BAD: variants seen among roughly 807,000 people sequenced by gnomAD.
BAD encodes bcl2-associated agonist of cell death.
Under a neutral mutation model 17.8 loss-of-function variants are expected in BAD, and 18 were observed. That is an observed-to-expected ratio of 1.01 (90% CI 0.70 to 1.50). The LOEUF is 1.50. BAD is among the 40% of genes most tolerant of loss of function. BAD has a pLI of 0.00. For synonymous variants in BAD, 112 were observed against 91.5 expected (o/e 1.22, Z -1.28); for missense variants, 294 against 239.3 (o/e 1.23, Z -1.51).
intron 2 of BAD, 97 bp from the exon 3 acceptor site, chr11:64,271,900 T>C (rs2032656888): frequency 9.6e-7 from 1 of 1,040,594 alleles, no homozygotes; most frequent in African/African-American, 1.7e-5. Context: ...GCAGGCCCAC[T>C]CGTGGGTCTT....
At position 64,269,928 on chromosome 11, in the gene BAD, C is replaced by T. The variant is rs1157033672; in HGVS notation, c.*281G>A. ...CCGGTGACGCAACGGTTAAACCTGG[C>T]TCGCGACTTAGCGCAGGCGCCTGGG... On this transcript the variant is annotated 3_prime_UTR_variant, in exon 4 of 4. Coordinates refer to ENST00000309032, the MANE Select transcript of BAD (RefSeq NM_032989.3). 1 of 710,624 alleles carries T rather than the reference C, an allele frequency of 1.4e-6. No homozygotes were observed. Among genetic ancestry groups the T allele is most frequent in the East Asian group, 2.7e-5 (1 of 37,400 alleles). 44.0% of individuals were successfully genotyped at this position (710,624 alleles called of 1,614,324 possible). A position where few individuals can be genotyped will look rare whatever the true frequency, so the allele number is the denominator to read the frequency against.
intron 2 of BAD, among the ~76,000 whole-genome samples, chr11:64,281,380 T>C (rs2033459882): frequency 6.6e-6 from 1 of 152,220 alleles, no homozygotes; most frequent in South Asian, 2.1e-4. Context: ...AATCCAGGGA[T>C]CAGCTACTTC....
chr11:64,270,553 G>C (rs942102886), intron 3 of BAD: 1 of 725,418 alleles, frequency 1.4e-6, no homozygotes. Context: ...CTCCGTGCCG[G>C]AGACGGGAAG....
At chr11:64,280,625 A>G (rs952898975) in intron 2 of BAD, among the ~76,000 whole-genome samples, 3 of 150,612 alleles carry the variant, frequency 2.0e-5, no homozygotes, top group African/African-American at 7.3e-5. Context: ...TGCTGGGATT[A>G]CAGGCGTGAG....
intron 2 of BAD, among the ~76,000 whole-genome samples, chr11:64,276,574 G>A (rs2033081960): frequency 6.6e-6 from 1 of 152,190 alleles, no homozygotes. Context: ...CAATCCAAGT[G>A]CCTCGGCCCC....
Position 64,271,401 on chromosome 11 carries a change from A to G in BAD, c.378+212T>C, listed in dbSNP as rs113934972. 5.6e-5 allele frequency among the ~76,000 whole-genome samples: 8 copies of G among 141,726 alleles called. 1 individual carries two copies. Among genetic ancestry groups the G allele is most frequent in the African/African-American group, 2.0e-4 (8 of 40,356 alleles). The allele number at this position is 141,726 out of a possible 152,430, so 93.0% of individuals were successfully genotyped here. On this transcript the variant is annotated intron_variant, in intron 3 of 3. Coordinates refer to ENST00000309032, the MANE Select transcript of BAD (RefSeq NM_032989.3). Reference sequence around the variant, plus strand: ...GTGACTCACACACACACACACACACACACACCAGGCGGGGGAAGAGCTGGG... The same window carrying G: ...GTGACTCACACACACACACACACACGCACACCAGGCGGGGGAAGAGCTGGG...
chr11:64,273,618 C>T (rs1464173490), intron 2 of BAD, among the ~76,000 whole-genome samples: 3 of 152,000 alleles, frequency 2.0e-5, no homozygotes, highest in Admixed American at 6.6e-5. Flanking sequence ...CAGTGGCTCA[C>T]GCCTGTAATC....
chr11:64,281,711 T>G (rs1183840714), intron 2 of BAD, among the ~76,000 whole-genome samples: 2 of 152,188 alleles, frequency 1.3e-5, no homozygotes, highest in African/African-American at 4.8e-5. Context: ...CCCGCCCCTG[T>G]GACTCCGGAT....
chr11:64,282,996 G>C (rs964011909), intron 2 of BAD, among the ~76,000 whole-genome samples: 7 of 152,026 alleles, frequency 4.6e-5, no homozygotes, highest in African/African-American at 1.7e-4. Context: ...CCGGGCTGCA[G>C]TGAGCTGAGA....
At chr11:64,281,893 G>A (rs955734620) in intron 2 of BAD, among the ~76,000 whole-genome samples, 2 of 152,150 alleles carry the variant, frequency 1.3e-5, no homozygotes, top group Non-Finnish European at 2.9e-5. Flanking sequence ...GCTAATTTTT[G>A]TATTTTTGGT....
intron 2 of BAD, among the ~76,000 whole-genome samples, chr11:64,279,618 T>G (rs1428265411): frequency 1.3e-5 from 2 of 151,194 alleles, no homozygotes; most frequent in Admixed American, 6.6e-5. Flanking sequence ...ACACAAAAAT[T>G]AGCTGGGCAT....
At position 64,271,679 on chromosome 11, in the gene BAD, G is replaced by C. The variant is rs781162957; in HGVS notation, c.312C>G (p.Leu104=). 6.7e-7 allele frequency: 1 copy of C among 1,489,656 alleles called. No homozygotes were observed. Among genetic ancestry groups the C allele is most frequent in the East Asian group, 2.7e-5 (1 of 36,854 alleles). The allele number at this position is 1,489,656 out of a possible 1,614,324, so 92.3% of individuals were successfully genotyped here. The part of the protein sequence containing the change: ...RGRSRSAPPN[L]WAAQRYGREL... ...CGCGGCCATAGCGCTGTGCTGCCCA[G>C]AGGTTGGGGGGCGCCGAGCGCGAGC... The change falls in exon 3 of 4, where the codon CTC becomes CTG. Residue 104 remains leucine, a synonymous_variant. Transcript: ENST00000309032.
chr11:64,276,245 T>C (rs893215701), intron 2 of BAD: 1 of 151,982 alleles, frequency 6.6e-6, no homozygotes, highest in Non-Finnish European at 1.5e-5. Flanking sequence ...AATTGAATTA[T>C]ATATATGTAA....
At chr11:64,272,371 C>T (rs2032700854) in intron 2 of BAD, among the ~76,000 whole-genome samples, 1 of 151,948 alleles carries the variant, frequency 6.6e-6, no homozygotes, top group Non-Finnish European at 1.5e-5. Flanking sequence ...CATGGGGCCT[C>T]CTGGCAACCC....
chr11:64,284,669 G>A (rs545065054), upstream of BAD: 10 of 1,535,056 alleles, frequency 6.5e-6, no homozygotes, highest in African/African-American at 9.6e-5. Context: ...CGGGCCTGCC[G>A]CCTCCCTCCA....
intron 2 of BAD, among the ~76,000 whole-genome samples, chr11:64,274,425 G>A (rs1029682952): frequency 2.6e-5 from 4 of 151,380 alleles, no homozygotes; most frequent in Admixed American, 6.6e-5. Context: ...AGTGGCTCAC[G>A]CCAGTAATCC....
rs1439663464 is a variant in BAD at position 64,284,246 on chromosome 11, G to C, written c.123C>G (p.Ala41=). Residue 41 remains alanine, a synonymous_variant, in exon 2 of 4, where the codon GCC becomes GCG. Transcript: ENST00000309032. ...GACTGGCGTCCCACAGGAGGCCTGG[G>C]GCCTGGCGATGATGCTTGCCGGAGC... The part of the protein sequence containing the change: ...PSGSGKHHRQ[A]PGLLWDASHQ... 1.2e-6 allele frequency: 2 copies of C among 1,610,876 alleles called. No homozygotes were observed. Among genetic ancestry groups the C allele is most frequent in the South Asian group, 2.2e-5 (2 of 91,058 alleles).
rs750319155 is a variant in BAD at position 64,270,260 on chromosome 11, C to T, written c.456G>A (p.Gln152=). Reference sequence around the variant, plus strand: ...TGCCCAAGTTCCGATCCCACCAGGACTGGAAGACTCGCGTCCAGCTGGAGC... The same window carrying T: ...TGCCCAAGTTCCGATCCCACCAGGATTGGAAGACTCGCGTCCAGCTGGAGC... ...RQSSSWTRVF[Q]SWWDRNLGRG... is the part of the protein sequence containing the mutation. Residue 152 remains glutamine, a synonymous_variant, in exon 4 of 4, where the codon CAG becomes CAA. Coordinates refer to ENST00000309032, the MANE Select transcript of BAD (RefSeq NM_032989.3). 2 of 1,597,598 alleles carry T rather than the reference C, an allele frequency of 1.3e-6. No homozygotes were observed.
intron 2 of BAD, among the ~76,000 whole-genome samples, chr11:64,282,086 T>A (rs1034100523): frequency 4.6e-5 from 7 of 152,126 alleles, no homozygotes; most frequent in Non-Finnish European, 7.4e-5. Flanking sequence ...CTTTTGTGCT[T>A]GTTTGCTCAT....
Sources: gnomAD v4.1 joint callset for allele counts (sites outside exome capture counted in the v4.1 genomes callset) on GRCh38, gnomAD v4.1.1 for gene constraint, MANE v1.5 for transcripts, NCBI Gene and HGNC (gene_info 2026-07-23, HGNC 2026-07-21) for gene names.